The following KCNJ6 variants were observed in gnomAD, a reference collection of about 807,000 sequenced individuals.
The protein encoded by KCNJ6 is potassium inwardly rectifying channel subfamily J member 6, also known as G protein-activated inward rectifier potassium channel 2.
Under a neutral mutation model 34.2 loss-of-function variants are expected in KCNJ6, and 9 were observed. That is an observed-to-expected ratio of 0.26 (90% confidence interval 0.16 to 0.46). The LOEUF (loss-of-function observed/expected upper bound fraction) is 0.46, where lower values mean the gene tolerates loss of function less well. KCNJ6 is among the 20% of genes least tolerant of loss of function. KCNJ6 has a pLI of 1.00. For synonymous variants in KCNJ6, 196 were observed against 207.1 expected, an observed-to-expected ratio of 0.95 and a Z score of 0.46; for missense variants, 236 against 531.3, an observed-to-expected ratio of 0.44 and a Z score of 5.46.
chr21:37,679,726 G>T (rs757086384), intron 3 of KCNJ6, among the ~76,000 whole-genome samples: 2 of 152,216 alleles, frequency 1.3e-5, no homozygotes, highest in Non-Finnish European at 2.9e-5. Context: ...GACCTTCACC[G>T]AGGGGGCCTT....
chr21:37,678,912 G>A (rs1254385348), intron 3 of KCNJ6, among the ~76,000 whole-genome samples: 1 of 152,184 alleles, frequency 6.6e-6, no homozygotes, highest in African/African-American at 2.4e-5. Flanking sequence ...TGGAGCCTAC[G>A]TTCCTTCCCC....
At chr21:37,756,665 CTGG>C (rs2055027724) in intron 2 of KCNJ6, among the ~76,000 whole-genome samples, 1 of 148,660 alleles carries the variant, frequency 6.7e-6, no homozygotes, top group African/African-American at 2.5e-5. Context: ...TGATTCCAGC[CTGG>C]AGTGAGCACT....
intron 1 of KCNJ6, among the ~76,000 whole-genome samples, chr21:37,871,679 T>C (rs1251766381): frequency 1.3e-5 from 2 of 152,208 alleles, no homozygotes; most frequent in African/African-American, 4.8e-5. Context: ...TGCAGACAGA[T>C]GAGTAAACCG....
intron 1 of KCNJ6, among the ~76,000 whole-genome samples, chr21:37,848,296 T>A (rs1229453433): frequency 6.6e-6 from 1 of 152,220 alleles, no homozygotes; most frequent in African/African-American, 2.4e-5. Context: ...CCTATCAGGA[T>A]GGGGTACCAT....
At chr21:37,865,239 A>G (rs1299013915) in intron 1 of KCNJ6, among the ~76,000 whole-genome samples, 1 of 152,218 alleles carries the variant, frequency 6.6e-6, no homozygotes, top group African/African-American at 2.4e-5. Flanking sequence ...AAAGAGCTGT[A>G]TTTTTAACGT....
At chr21:37,900,218 AGAAAGACACAGTGTGTG>A (rs2055809903) in intron 1 of KCNJ6, among the ~76,000 whole-genome samples, 1 of 152,248 alleles carries the variant, frequency 6.6e-6, no homozygotes, top group African/African-American at 2.4e-5. Flanking sequence ...TATAGTGTGT[AGAAAGACACAGTGTGTG>A]GGAGATGCTT....
chr21:37,716,243 CAAGGTAAGTAAAAA>C (rs1296144952), intron 2 of KCNJ6, among the ~76,000 whole-genome samples: 1 of 151,908 alleles, frequency 6.6e-6, no homozygotes, highest in Non-Finnish European at 1.5e-5. Flanking sequence ...GATTCAATGC[CAAGGTAAGTAAAAA>C]AGGGTGGGGA....
chr21:37,668,448 A>C (rs563198344), intron 3 of KCNJ6, among the ~76,000 whole-genome samples: 7 of 114,468 alleles, frequency 6.1e-5, no homozygotes, highest in Admixed American at 5.1e-4. Flanking sequence ...TCTGTGTCCT[A>C]ATCTCCTATT....
At chr21:37,771,599 T>C (rs1402447503) in intron 2 of KCNJ6, among the ~76,000 whole-genome samples, 3 of 152,216 alleles carry the variant, frequency 2.0e-5, no homozygotes, top group South Asian at 2.1e-4. Context: ...CATTAGTCTA[T>C]GGTCCACCAG....
chr21:37,821,554 C>A (rs73411875), intron 2 of KCNJ6, among the ~76,000 whole-genome samples: 14 of 152,220 alleles, frequency 9.2e-5, no homozygotes, highest in South Asian at 4.2e-4. Context: ...CCCTGCCCCC[C>A]CAACAGGCCC....
chr21:37,709,798 C>T (rs1014928204), intron 3 of KCNJ6, among the ~76,000 whole-genome samples: 1 of 152,210 alleles, frequency 6.6e-6, no homozygotes, highest in African/African-American at 2.4e-5. Flanking sequence ...ATTTATGTGA[C>T]TAAAATTCTC....
In KCNJ6 at chr21:37,650,504, C is replaced by T. The variant is rs1006162835; in HGVS notation, c.947-25020G>A. ...TCAACAAAGACGGCAACTGGATGGC[C>T]ACAGCCTCCTCACTGTCCTGCGTGT... On this transcript the variant is annotated intron_variant, in intron 3 of 3. Coordinates refer to ENST00000609713, the MANE Select transcript of KCNJ6 (RefSeq NM_002240.5). Among the ~76,000 whole-genome samples, 50 of 152,208 alleles carry T rather than the reference C, an allele frequency of 3.3e-4. 1 individual carries two copies. The highest frequency in any genetic ancestry group is 4.4e-5 in the Non-Finnish European group (3 of 68,044).
At chr21:37,873,985 T>G (rs1000534146) in intron 1 of KCNJ6, among the ~76,000 whole-genome samples, 1 of 152,164 alleles carries the variant, frequency 6.6e-6, no homozygotes, top group East Asian at 1.9e-4. Flanking sequence ...CCTCTTCAAC[T>G]TCTATCTCCA....
intron 1 of KCNJ6, among the ~76,000 whole-genome samples, chr21:37,896,444 C>A (rs1421258077): frequency 1.3e-5 from 2 of 152,168 alleles, no homozygotes; most frequent in Non-Finnish European, 2.9e-5. Flanking sequence ...CTGAGATGAC[C>A]AGGCTGATGT....
Position 37,610,448 on chromosome 21 carries a change from A to T in KCNJ6, c.*14711T>A, listed in dbSNP as rs1396614113. The stretch of plus-strand genomic sequence containing the variant: ...ACCCCATCTCTATTAAAAATACAAA[A>T]ATTAGCCAGGTTTGGTGGTGGGCAC... On this transcript the variant is annotated 3_prime_UTR_variant, in exon 4 of 4. Coordinates refer to ENST00000609713, the MANE Select transcript of KCNJ6 (RefSeq NM_002240.5). 6.6e-6 allele frequency: 1 copy of T among 151,910 alleles called. No individual in the cohort carries two copies. The highest frequency in any genetic ancestry group is 2.4e-5 in the African/African-American group (1 of 41,324). The allele number at this position is 151,910 out of a possible 1,614,324, so 9.4% of individuals were successfully genotyped here. A position where few individuals can be genotyped will look rare whatever the true frequency, so the allele number is the denominator to read the frequency against.
At chr21:37,753,384 T>C (rs568454248) in intron 2 of KCNJ6, among the ~76,000 whole-genome samples, 7 of 152,332 alleles carry the variant, frequency 4.6e-5, no homozygotes, top group African/African-American at 1.4e-4. Flanking sequence ...AACACAGATC[T>C]CTGATGAAGA....
intron 2 of KCNJ6, among the ~76,000 whole-genome samples, chr21:37,784,258 C>G (rs2055182934): frequency 6.6e-6 from 1 of 152,192 alleles, no homozygotes; most frequent in African/African-American, 2.4e-5. Flanking sequence ...GTCTTGCTGG[C>G]TTTTTATGAC....
chr21:37,631,751 G>A (rs2054334501), intron 3 of KCNJ6, among the ~76,000 whole-genome samples: 1 of 152,160 alleles, frequency 6.6e-6, no homozygotes, highest in African/African-American at 2.4e-5. Context: ...TCTAACCGGA[G>A]GACCAGGAAA....
intron 1 of KCNJ6, among the ~76,000 whole-genome samples, chr21:37,856,738 T>G (rs4816583): frequency 0.84 from 127,475 of 151,954 alleles, 53,971 homozygotes; most frequent in African/African-American, 0.95. Context: ...CTACAGATTT[T>G]CCATTTTTCA....
Sources: allele counts gnomAD v4.1 joint callset (sites outside exome capture counted in the v4.1 genomes callset), GRCh38; gene constraint gnomAD v4.1.1; transcripts MANE v1.5; gene names NCBI Gene and HGNC (gene_info 2026-07-23, HGNC 2026-07-21).